The following CERT1 variants were observed in gnomAD, a reference collection of about 807,000 sequenced individuals.
CERT1 encodes ceramide transporter 1, also known as ceramide transfer protein.
Under a neutral mutation model 87.9 loss-of-function variants are expected in CERT1, and 31 were observed. That is an observed-to-expected ratio of 0.35 (90% confidence interval 0.27 to 0.48). The LOEUF (loss-of-function observed/expected upper bound fraction) is 0.48. CERT1 is among the 20% of genes least tolerant of loss of function. CERT1 has a pLI of 0.99. For synonymous variants in CERT1, 289 were observed against 250.9 expected, an observed-to-expected ratio of 1.15 and a Z score of -1.44; for missense variants, 487 against 758.0, an observed-to-expected ratio of 0.64 and a Z score of 4.20.
At chr5:75,374,517 C>T (rs1761212101), downstream of CERT1, 2 of 720,316 alleles carry the variant, frequency 2.8e-6, no homozygotes, top group South Asian at 1.4e-5. Flanking sequence ...CAGCCACGTG[C>T]AGCCTGTTTG....
Position 75,511,234 on chromosome 5 carries a change from C to T in CERT1, c.-27G>A. 6.2e-7 allele frequency: 1 copy of T among 1,610,360 alleles called. No homozygotes were observed. Among genetic ancestry groups the T allele is most frequent in the East Asian group, 2.2e-5 (1 of 44,720 alleles). On this transcript the variant is annotated 5_prime_UTR_variant, in exon 1 of 17. Transcript: ENST00000643780. ...GAGGCTCGACAACCGAGCAGGAGAC[C>T]GGCCCCCGCTCCCTCAGCTGCGCCG...
chr5:75,485,312 C>CAAAAAAAAA (rs757349878), intron 2 of CERT1, among the ~76,000 whole-genome samples: 1,105 of 46,412 alleles, frequency 0.024, no homozygotes, highest in East Asian at 0.027. Context: ...CACAAAAATA[C>CAAAAAAAAA]AAAAAAAAAA....
At chr5:75,461,319 G>A (rs1225431488) in intron 2 of CERT1, among the ~76,000 whole-genome samples, 2 of 152,166 alleles carry the variant, frequency 1.3e-5, no homozygotes, top group South Asian at 2.1e-4. Flanking sequence ...TGTATACAAA[G>A]GATCTAGGTT....
At chr5:75,376,409 G>A (rs1761318651), downstream of CERT1, 1 of 152,138 alleles carries the variant, frequency 6.6e-6, no homozygotes, top group African/African-American at 2.4e-5. Flanking sequence ...GATATAGTTA[G>A]AGTGAAACAA....
chr5:75,445,646 A>G (rs1340420167), intron 3 of CERT1, among the ~76,000 whole-genome samples: 1 of 152,130 alleles, frequency 6.6e-6, no homozygotes. Flanking sequence ...TTTGAAGGAC[A>G]CTTTTGTCAG....
At chr5:75,489,473 G>A (rs1766674350) in intron 2 of CERT1, among the ~76,000 whole-genome samples, 1 of 152,066 alleles carries the variant, frequency 6.6e-6, no homozygotes, top group South Asian at 2.1e-4. Flanking sequence ...CTACAGAATG[G>A]GAGAACATTT....
chr5:75,497,234 T>C (rs993839128), intron 2 of CERT1, among the ~76,000 whole-genome samples: 2 of 152,084 alleles, frequency 1.3e-5, no homozygotes, highest in African/African-American at 4.8e-5. Context: ...GATAAAAGGG[T>C]CTGACAACTT....
At chr5:75,374,197 GGA>G (rs1761194030), downstream of CERT1, 4 of 355,788 alleles carry the variant, frequency 1.1e-5, no homozygotes, top group Admixed American at 5.0e-5. Flanking sequence ...AGTCACTGAA[GGA>G]AAAAAAAAAA....
At chr5:75,455,160 ATTC>A (rs1387189904) in intron 3 of CERT1, among the ~76,000 whole-genome samples, 2 of 152,176 alleles carry the variant, frequency 1.3e-5, no homozygotes, top group Non-Finnish European at 2.9e-5. Flanking sequence ...AAAGGGCCCA[ATTC>A]TTCTTCACAA....
At chr5:75,410,438 T>C (rs892080144) in intron 8 of CERT1, among the ~76,000 whole-genome samples, 8 of 151,752 alleles carry the variant, frequency 5.3e-5, no homozygotes, top group Non-Finnish European at 1.2e-4. Flanking sequence ...TGAAACCCCG[T>C]CTCTACTAAA....
chr5:75,483,259 G>T (rs779638624), intron 2 of CERT1, among the ~76,000 whole-genome samples: 1 of 152,120 alleles, frequency 6.6e-6, no homozygotes, highest in Non-Finnish European at 1.5e-5. Flanking sequence ...ATACATCAGT[G>T]TCTCTCAACA....
intron 7 of CERT1, 66 bp downstream of exon 7, chr5:75,416,810 A>T: frequency 7.3e-7 from 1 of 1,368,310 alleles, no homozygotes; most frequent in Non-Finnish European, 1.0e-6. Flanking sequence ...AGCTTGTTTT[A>T]AATATTCAAA....
At chr5:75,474,033 C>G (rs1425888372) in intron 2 of CERT1, among the ~76,000 whole-genome samples, 1 of 152,194 alleles carries the variant, frequency 6.6e-6, no homozygotes, top group Non-Finnish European at 1.5e-5. Context: ...CAGCCCGGCA[C>G]CAGGCCCAAA....
intron 2 of CERT1, among the ~76,000 whole-genome samples, chr5:75,483,827 TAAAGG>T (rs1766375237): frequency 6.6e-6 from 1 of 151,760 alleles, no homozygotes; most frequent in Non-Finnish European, 1.5e-5. Context: ...TAAGAGCTGC[TAAAGG>T]AAGTTCTTCA....
intron 11 of CERT1, among the ~76,000 whole-genome samples, chr5:75,396,873 A>G (rs189948747): frequency 1.8e-3 from 270 of 152,320 alleles, no homozygotes; most frequent in Admixed American, 0.013. Context: ...GTAAAATGTA[A>G]CACTACTGTA....
At chr5:75,433,920 T>C (rs1445756186) in intron 3 of CERT1, among the ~76,000 whole-genome samples, 1 of 152,196 alleles carries the variant, frequency 6.6e-6, no homozygotes, top group East Asian at 1.9e-4. Context: ...AGGAATAGAA[T>C]AATATTTATT....
At chr5:75,507,980 C>G (rs1241402807) in intron 1 of CERT1, among the ~76,000 whole-genome samples, 3 of 152,104 alleles carry the variant, frequency 2.0e-5, no homozygotes, top group Admixed American at 6.6e-5. Flanking sequence ...CCTTAGGAGA[C>G]TTAATAATTT....
At chr5:75,372,065 A>T (rs926845212) in intron 17 of CERT1, 3 of 152,220 alleles carry the variant, frequency 2.0e-5, no homozygotes, top group African/African-American at 7.2e-5. Context: ...CCTTTTATTT[A>T]CAGAATCAAT....
chr5:75,420,609 G>A (rs781306000), intron 5 of CERT1, among the ~76,000 whole-genome samples: 2 of 152,088 alleles, frequency 1.3e-5, no homozygotes, highest in Non-Finnish European at 2.9e-5. Context: ...ATCCCAGGCT[G>A]TATCTGTATC....
Sources: gnomAD v4.1 joint callset for allele counts (sites outside exome capture counted in the v4.1 genomes callset) on GRCh38, gnomAD v4.1.1 for gene constraint, MANE v1.5 for transcripts, NCBI Gene and HGNC (gene_info 2026-07-23, HGNC 2026-07-21) for gene names.